EHHADH: variants seen among roughly 807,000 people sequenced by gnomAD.
EHHADH encodes the protein enoyl-CoA hydratase and 3-hydroxyacyl CoA dehydrogenase.
EHHADH carries 48 observed loss-of-function variants against 64.4 expected under a neutral mutation model. The ratio of observed to expected loss-of-function variants is 0.75; its 90% confidence interval spans 0.59 to 0.95. The LOEUF is 0.95. Ranked by LOEUF, EHHADH falls within the 40% of genes least tolerant of loss-of-function variation. The pLI, the probability that EHHADH is intolerant of heterozygous loss-of-function variation, is 0.00. For missense variants in EHHADH, 854 were observed against 876.6 expected, an observed-to-expected ratio of 0.97 and a Z score of 0.33; for synonymous variants, 308 against 326.7, an observed-to-expected ratio of 0.94 and a Z score of 0.62.
At chr3:185,212,315 G>A (rs1044135542) in intron 5 of EHHADH, among the ~76,000 whole-genome samples, 1 of 152,142 alleles carries the variant, frequency 6.6e-6, no homozygotes, top group African/African-American at 2.4e-5. Flanking sequence ...CATAGAATAC[G>A]AACATTAAAA....
At chr3:185,235,179 C>G in intron 3 of EHHADH, 111 bp downstream of exon 3, 1 of 1,156,136 alleles carries the variant, frequency 8.6e-7, no homozygotes, top group Non-Finnish European at 1.2e-6. Flanking sequence ...GACTCCATCT[C>G]AAAAAAACAA....
chr3:185,253,640 A>C (rs1414815781), intron 1 of EHHADH, among the ~76,000 whole-genome samples: 1 of 151,726 alleles, frequency 6.6e-6, no homozygotes, highest in African/African-American at 2.4e-5. Flanking sequence ...AGGGCTCCGC[A>C]TGAAGGACAG....
chr3:185,248,321 T>G (rs1368558584), intron 2 of EHHADH, 93 bp downstream of exon 2: 1 of 923,544 alleles, frequency 1.1e-6, no homozygotes, highest in Non-Finnish European at 1.8e-6. Flanking sequence ...TTACCTACAC[T>G]AAGTTATTAC....
rs117984461 is a variant in EHHADH at position 185,220,390 on chromosome 3, A to G, written c.464-2150T>C. ...ATGTTAGATGTGTTTAGATACATAA[A>G]TACTTTCCATTGTGTTACAAATGCC... On this transcript the variant is annotated intron_variant, in intron 4 of 6. Coordinates refer to ENST00000231887, the MANE Select transcript of EHHADH (RefSeq NM_001966.4). Among the ~76,000 whole-genome samples, 18 of 152,308 alleles carry G rather than the reference A, an allele frequency of 1.2e-4. No individual in the cohort carries two copies. In the East Asian group the frequency reaches 3.3e-3, roughly 28 times the overall value.
At position 185,191,842 on chromosome 3, in the gene EHHADH, A is replaced by G. The variant is rs1424879553; in HGVS notation, c.*384T>C. ...GTATGATTCATAAGATTTCTGATCA[A>G]TACTATGTGTGTGACATTGAAAGGA... On this transcript the variant is annotated 3_prime_UTR_variant, in exon 7 of 7. Coordinates refer to ENST00000231887, the MANE Select transcript of EHHADH (RefSeq NM_001966.4). 2 of 223,540 alleles carry G rather than the reference A, an allele frequency of 8.9e-6. No individual in the cohort carries two copies. Among genetic ancestry groups the G allele is most frequent in the East Asian group, 2.2e-4 (2 of 8,932 alleles). 13.8% of individuals were successfully genotyped at this position (223,540 alleles called of 1,614,324 possible).
intron 2 of EHHADH, among the ~76,000 whole-genome samples, chr3:185,238,787 A>G (rs1719370780): frequency 6.6e-6 from 1 of 152,130 alleles, no homozygotes; most frequent in Non-Finnish European, 1.5e-5. Context: ...GCTGTGCAGA[A>G]GCTCTTAATT....
chr3:185,229,436 G>A lies in EHHADH; in HGVS notation c.459C>T (p.Thr153=). The A allele has an allele frequency of 6.5e-7, 1 of 1,527,264 alleles. No individual in the cohort carries two copies. The highest frequency in any genetic ancestry group is 8.9e-7 in the Non-Finnish European group (1 of 1,128,678). 94.6% of individuals were successfully genotyped at this position (1,527,264 alleles called of 1,614,324 possible). A position where few individuals can be genotyped will look rare whatever the true frequency, so the allele number is the denominator to read the frequency against. The part of the protein sequence containing the change: ...TGVPAALDLI[T]SGRRILADEA... ...GTTGCCAAGGTCTATACTGACCTGA[G>A]GTAATTAAGTCAAGTGCAGCAGGAA... The change falls in exon 4 of 7, where the codon ACC becomes ACT. Residue 153 remains threonine, a synonymous_variant. Coordinates refer to ENST00000231887, the MANE Select transcript of EHHADH (RefSeq NM_001966.4).
rs529029172 is a variant in EHHADH at position 185,248,298 on chromosome 3, T to C, written c.178+116A>G. Reference sequence around the variant, plus strand: ...ACAGTGTTACTCATTCTCACTCAAGTCTGCCATATCCATTACCTACACTAA... The same window carrying C: ...ACAGTGTTACTCATTCTCACTCAAGCCTGCCATATCCATTACCTACACTAA... On this transcript the variant is annotated intron_variant, in intron 2 of 6. Transcript: ENST00000231887. The C allele has an allele frequency of 6.0e-5, 47 of 783,700 alleles. No homozygotes were observed. The South Asian group carries it at 6.9e-4, about 12-fold the overall frequency. 48.5% of individuals were successfully genotyped at this position (783,700 alleles called of 1,614,324 possible). A position where few individuals can be genotyped will look rare whatever the true frequency, so the allele number is the denominator to read the frequency against.
At chr3:185,248,375 G>T (rs753535723) in intron 2 of EHHADH, 39 bp downstream of exon 2, 2 of 1,424,604 alleles carry the variant, frequency 1.4e-6, no homozygotes, top group South Asian at 2.3e-5. Flanking sequence ...TCTGTGGCTG[G>T]ATTCCAGAGA....
chr3:185,248,252 G>A (rs564477950), intron 2 of EHHADH, 162 bp downstream of exon 2: 5 of 631,282 alleles, frequency 7.9e-6, no homozygotes, highest in South Asian at 6.0e-5. Flanking sequence ...GGTCTCTCTT[G>A]TAATTCCTGT....
At chr3:185,205,135 C>T (rs1048082533) in intron 5 of EHHADH, among the ~76,000 whole-genome samples, 6 of 151,196 alleles carry the variant, frequency 4.0e-5, no homozygotes, top group South Asian at 2.1e-4. Context: ...CTAAGGAAAA[C>T]GGTTCTGAGT....
At chr3:185,206,876 G>A (rs1718409648) in intron 5 of EHHADH, among the ~76,000 whole-genome samples, 1 of 151,256 alleles carries the variant, frequency 6.6e-6, no homozygotes, top group Admixed American at 6.6e-5. Flanking sequence ...TAAACTAGAA[G>A]AAAATACTTG....
At chr3:185,215,218 T>C (rs1718649990) in intron 5 of EHHADH, among the ~76,000 whole-genome samples, 1 of 152,154 alleles carries the variant, frequency 6.6e-6, no homozygotes, top group African/African-American at 2.4e-5. Flanking sequence ...GGAAAAACTA[T>C]GTCTACAAAG....
chr3:185,240,647 T>C (rs1359850373), intron 2 of EHHADH, among the ~76,000 whole-genome samples: 1 of 152,078 alleles, frequency 6.6e-6, no homozygotes, highest in Non-Finnish European at 1.5e-5. Flanking sequence ...TTGTGTTTAT[T>C]TGAAACTTCT....
chr3:185,218,981 C>G (rs1479828121), intron 4 of EHHADH, among the ~76,000 whole-genome samples: 1 of 152,112 alleles, frequency 6.6e-6, no homozygotes, highest in Non-Finnish European at 1.5e-5. Context: ...TGAGATCACA[C>G]CACTGCACTC....
chr3:185,242,233 C>A (rs1719474912), intron 2 of EHHADH, among the ~76,000 whole-genome samples: 1 of 152,162 alleles, frequency 6.6e-6, no homozygotes, highest in African/African-American at 2.4e-5. Flanking sequence ...GTGAAAATGA[C>A]CACGCTGCCA....
intron 5 of EHHADH, among the ~76,000 whole-genome samples, chr3:185,217,508 T>C (rs1386286748): frequency 1.5e-5 from 2 of 131,874 alleles, no homozygotes; most frequent in Admixed American, 1.7e-4. Context: ...ATCGCGCCAC[T>C]GCACTCCAGC....
At chr3:185,253,761 TAA>T (rs60892892) in intron 1 of EHHADH, 186 bp downstream of exon 1, 30,433 of 1,016,722 alleles carry the variant, frequency 0.03, no homozygotes, top group South Asian at 0.045. Context: ...TAATCTAGGT[TAA>T]AAAAAAAAAA....
At position 185,249,575 on chromosome 3, in the gene EHHADH, A is replaced by T. The variant is rs1384998044; in HGVS notation, c.75-1058T>A. On this transcript the variant is annotated intron_variant, in intron 1 of 6. Coordinates refer to ENST00000231887, the MANE Select transcript of EHHADH (RefSeq NM_001966.4). Reference sequence around the variant, plus strand: ...GAATTCTCAGGAGATCTAGTGGTTTATAAGTTGCAGTTTCCCCTGCACTCA... The same window carrying T: ...GAATTCTCAGGAGATCTAGTGGTTTTTAAGTTGCAGTTTCCCCTGCACTCA... 3.3e-5 allele frequency among the ~76,000 whole-genome samples: 5 copies of T among 152,184 alleles called. No individual in the cohort carries two copies. The East Asian group carries it at 7.7e-4, about 23-fold the overall frequency.
Sources: allele counts gnomAD v4.1 joint callset (sites outside exome capture counted in the v4.1 genomes callset), GRCh38; gene constraint gnomAD v4.1.1; transcripts MANE v1.5; gene names NCBI Gene and HGNC (gene_info 2026-07-23, HGNC 2026-07-21).